The following MCCC2 variants were observed in gnomAD, a reference collection of about 807,000 sequenced individuals.
MCCC2 encodes methylcrotonoyl-CoA carboxylase beta chain, mitochondrial.
A neutral mutation model predicts 77.2 loss-of-function variants in MCCC2; 52 were observed. That is an observed-to-expected ratio of 0.67 (90% CI 0.54 to 0.85). MCCC2 has a LOEUF of 0.85. Among genes scored for constraint, MCCC2 ranks in the 40% least tolerant of loss-of-function variants. MCCC2 has a pLI of 0.00. For synonymous variants in MCCC2, 253 were observed against 248.4 expected (o/e 1.02, Z -0.18); for missense variants, 682 against 703.2 (o/e 0.97, Z 0.34).
At chr5:71,631,696 G>C (rs990926468) in intron 7 of MCCC2, among the ~76,000 whole-genome samples, 43 of 150,452 alleles carry the variant, frequency 2.9e-4, no homozygotes, top group African/African-American at 9.7e-4. Flanking sequence ...GCCCGCCACC[G>C]CGCCCAGCTA....
In MCCC2 at chr5:71,617,678, ATTATG is replaced by A. The variant is rs1332971639; in HGVS notation, c.625-8955_625-8951del. Among the ~76,000 whole-genome samples, 4 of 152,178 alleles carry A rather than the reference ATTATG, an allele frequency of 2.6e-5. No homozygotes were observed. The East Asian group carries it at 7.7e-4, about 29-fold the overall frequency. ...TATAAGTTAATCACTTCTAACTTCAATTATGTTATGTATTTATTTCGATAGTAAGC... is the reference window on the plus strand; with the variant it reads ...TATAAGTTAATCACTTCTAACTTCAATTATGTATTTATTTCGATAGTAAGC... On this transcript the variant is annotated intron_variant, in intron 6 of 16. Coordinates refer to ENST00000340941, the MANE Select transcript of MCCC2 (RefSeq NM_022132.5).
intron 6 of MCCC2, among the ~76,000 whole-genome samples, chr5:71,613,189 C>A (rs1262505277): frequency 6.6e-6 from 1 of 152,244 alleles, no homozygotes; most frequent in African/African-American, 2.4e-5. Context: ...TCAAATGAGA[C>A]CATCTTTACA....
chr5:71,593,040 C>A, intron 2 of MCCC2, 48 bp downstream of exon 2: 2 of 1,447,592 alleles, frequency 1.4e-6, no homozygotes, highest in Non-Finnish European at 1.9e-6. Context: ...TTAAGATGTC[C>A]TAAAATAGTT....
At chr5:71,640,196 C>T (rs1044970329) in intron 10 of MCCC2, among the ~76,000 whole-genome samples, 1 of 152,124 alleles carries the variant, frequency 6.6e-6, no homozygotes. Context: ...TTATTAAGTG[C>T]TTAATAATAG....
chr5:71,598,834 C>T (rs1397577184), intron 3 of MCCC2, among the ~76,000 whole-genome samples: 1 of 152,148 alleles, frequency 6.6e-6, no homozygotes, highest in Non-Finnish European at 1.5e-5. Context: ...TCTCTGCAGC[C>T]TTGGCCTCCT....
intron 16 of MCCC2, among the ~76,000 whole-genome samples, chr5:71,656,175 A>G (rs1279491687): frequency 6.6e-6 from 1 of 152,216 alleles, no homozygotes; most frequent in Admixed American, 6.5e-5. Flanking sequence ...AGATCGTGCC[A>G]CTGCACTGCA....
At chr5:71,606,431 C>T (rs997976376) in intron 6 of MCCC2, among the ~76,000 whole-genome samples, 3 of 151,626 alleles carry the variant, frequency 2.0e-5, no homozygotes, top group African/African-American at 7.3e-5. Flanking sequence ...ATTTTGTATC[C>T]TGAGACTTTG....
chr5:71,621,349 T>C (rs954742673), intron 6 of MCCC2, among the ~76,000 whole-genome samples: 1 of 151,724 alleles, frequency 6.6e-6, no homozygotes, highest in Non-Finnish European at 1.5e-5. Context: ...AAAATAAAAA[T>C]AAAAAAGAAA....
intron 6 of MCCC2, among the ~76,000 whole-genome samples, chr5:71,608,939 T>C (rs1290250076): frequency 2.6e-5 from 4 of 152,190 alleles, no homozygotes; most frequent in African/African-American, 9.7e-5. Flanking sequence ...AGAGATCCGC[T>C]GTTAGTCTGA....
chr5:71,605,737 T>A (rs1745645361), intron 6 of MCCC2, among the ~76,000 whole-genome samples: 1 of 152,054 alleles, frequency 6.6e-6, no homozygotes, highest in Admixed American at 6.6e-5. Context: ...CTTTAATCCA[T>A]CTTGAATTGA....
intron 11 of MCCC2, 112 bp downstream of exon 11, chr5:71,641,187 T>A: frequency 1.1e-6 from 1 of 928,848 alleles, no homozygotes; most frequent in Non-Finnish European, 1.7e-6. Flanking sequence ...TTGAGAGCAC[T>A]ACAAATGTGT....
chr5:71,630,475 A>C (rs1417519285), intron 7 of MCCC2, among the ~76,000 whole-genome samples: 2 of 146,052 alleles, frequency 1.4e-5, no homozygotes, highest in Non-Finnish European at 3.0e-5. Flanking sequence ...ACAAATTCTT[A>C]TTTTTTTTTT....
chr5:71,605,892 C>A (rs976644913), intron 6 of MCCC2, among the ~76,000 whole-genome samples: 1 of 151,744 alleles, frequency 6.6e-6, no homozygotes, highest in Non-Finnish European at 1.5e-5. Context: ...TGTAGGTATG[C>A]GGCGTTATTT....
At chr5:71,656,592 A>G in intron 16 of MCCC2, 151 bp from the exon 17 acceptor site, 2 of 739,050 alleles carry the variant, frequency 2.7e-6, no homozygotes, top group East Asian at 5.1e-5. Context: ...TCTTGAACGT[A>G]GTTTCTGTTG....
rs571520424 is a variant in MCCC2, at chr5:71,617,032, C to G, written c.625-9608C>G. ...TATTCTTTATGTGGCCCTCCTGTTACTATTTGCTACAAAACAAAGCTCATA... is the reference window on the plus strand; with the variant it reads ...TATTCTTTATGTGGCCCTCCTGTTAGTATTTGCTACAAAACAAAGCTCATA... On this transcript the variant is annotated intron_variant, in intron 6 of 16. Transcript: ENST00000340941. Among the ~76,000 whole-genome samples, 3 of 135,392 alleles carry G rather than the reference C, an allele frequency of 2.2e-5. No individual in the cohort carries two copies. The South Asian group carries it at 7.1e-4, about 32-fold the overall frequency. The allele number at this position is 135,392 out of a possible 152,430, so 88.8% of individuals were successfully genotyped here.
At chr5:71,633,122 TATATATA>T (rs1746791777) in intron 8 of MCCC2, among the ~76,000 whole-genome samples, 7 of 115,812 alleles carry the variant, frequency 6.0e-5, no homozygotes, top group African/African-American at 1.4e-4. Flanking sequence ...TATATATATA[TATATATA>T]TATTTTTATT....
intron 3 of MCCC2, among the ~76,000 whole-genome samples, 167 bp from the exon 4 acceptor site, chr5:71,599,492 T>G (rs1161236937): frequency 2.0e-5 from 3 of 152,188 alleles, no homozygotes; most frequent in African/African-American, 7.2e-5. Context: ...ATTACAGACT[T>G]GAGCCACCAC....
intron 16 of MCCC2, among the ~76,000 whole-genome samples, chr5:71,653,539 G>T (rs1018174222): frequency 3.3e-5 from 5 of 149,688 alleles, no homozygotes; most frequent in African/African-American, 1.2e-4. Flanking sequence ...AGGCAAACTG[G>T]AGAGGAGAGG....
chr5:71,616,323 A>C (rs1746152819), intron 6 of MCCC2, among the ~76,000 whole-genome samples: 2 of 152,216 alleles, frequency 1.3e-5, no homozygotes, highest in Admixed American at 1.3e-4. Flanking sequence ...GTCAATCAGA[A>C]ATATAGGTGA....
Sources: allele counts gnomAD v4.1 joint callset (sites outside exome capture counted in the v4.1 genomes callset), GRCh38; gene constraint gnomAD v4.1.1; transcripts MANE v1.5; gene names NCBI Gene and HGNC (gene_info 2026-07-23, HGNC 2026-07-21).